Variants in MAF observed in about 807,000 individuals in gnomAD.
MAF encodes the protein transcription factor Maf.
In MAF, 10 loss-of-function variants were observed where a neutral mutation model predicts 22.0. The ratio of observed to expected loss-of-function variants is 0.45; its 90% CI spans 0.28 to 0.77. The LOEUF (loss-of-function observed/expected upper bound fraction) is 0.77. Among genes scored for constraint, MAF ranks in the 30% least tolerant of loss-of-function variants. The pLI, the probability that MAF is intolerant of heterozygous loss-of-function variation, is 0.12. For synonymous variants in MAF, 337 were observed against 255.8 expected (o/e 1.32, Z -3.03); for missense variants, 544 against 548.4 (o/e 0.99, Z 0.08).
chr16:79,256,091 C>T, the MAF span, among the ~76,000 whole-genome samples: 7 of 149,490 alleles, frequency 4.7e-5, no homozygotes, highest in Admixed American at 4.7e-4. Context: ...AAGCAATTCT[C>T]CTGCCTCAGT....
chr16:79,419,058 T>G, the MAF span, among the ~76,000 whole-genome samples: 237 of 152,344 alleles, frequency 1.6e-3, no homozygotes, highest in Non-Finnish European at 2.7e-3. Context: ...ATGTCAGCAG[T>G]GTTTGCACAG....
chr16:79,293,742 G>C, the MAF span, among the ~76,000 whole-genome samples: 2 of 152,038 alleles, frequency 1.3e-5, no homozygotes, highest in African/African-American at 4.8e-5. Context: ...GAAGGGGAAA[G>C]GCAACTTTAT....
chr16:79,563,162 G>C, the MAF span, among the ~76,000 whole-genome samples: 2 of 152,272 alleles, frequency 1.3e-5, no homozygotes, highest in Non-Finnish European at 2.9e-5. Flanking sequence ...GGACTTTCCA[G>C]ACACCAAAGC....
the MAF span, among the ~76,000 whole-genome samples, chr16:79,347,518 T>A: frequency 1.4e-4 from 22 of 152,326 alleles, no homozygotes; most frequent in African/African-American, 5.1e-4. Flanking sequence ...CTGGAGTACA[T>A]CTTCTCTGAC....
chr16:79,236,959 A>AAAC, the MAF span, among the ~76,000 whole-genome samples: 5 of 149,888 alleles, frequency 3.3e-5, no homozygotes, highest in African/African-American at 1.2e-4. Context: ...AAAAAAAAAA[A>AAAC]CTCAAATCCA....
the MAF span, among the ~76,000 whole-genome samples, chr16:79,236,238 C>T: frequency 6.6e-6 from 1 of 152,196 alleles, no homozygotes; most frequent in South Asian, 2.1e-4. Flanking sequence ...ACTTGAACAT[C>T]ATGGAGCTCT....
the MAF span, among the ~76,000 whole-genome samples, chr16:79,438,748 C>T: frequency 6.6e-6 from 1 of 152,066 alleles, no homozygotes; most frequent in Admixed American, 6.6e-5. Context: ...TGCCCATGTC[C>T]CAGAGGCATT....
the MAF span, among the ~76,000 whole-genome samples, chr16:79,344,762 G>C: frequency 6.6e-6 from 1 of 152,120 alleles, no homozygotes; most frequent in Non-Finnish European, 1.5e-5. Flanking sequence ...GTCTGATCTG[G>C]TGCTCAGAAT....
chr16:79,254,632 A>G, the MAF span, among the ~76,000 whole-genome samples: 2 of 152,168 alleles, frequency 1.3e-5, no homozygotes, highest in Non-Finnish European at 2.9e-5. Flanking sequence ...TATGACTGCT[A>G]CTATTGACTT....
chr16:79,461,489 T>C, the MAF span, among the ~76,000 whole-genome samples: 4 of 152,118 alleles, frequency 2.6e-5, no homozygotes, highest in Non-Finnish European at 5.9e-5. Flanking sequence ...CCATGGAGTA[T>C]TGCCTAGGAA....
At chr16:79,368,698 G>A in the MAF span, among the ~76,000 whole-genome samples, 2 of 152,142 alleles carry the variant, frequency 1.3e-5, no homozygotes, top group East Asian at 3.9e-4. Flanking sequence ...AATGACAATG[G>A]CTAGTGTATA....
the MAF span, among the ~76,000 whole-genome samples, chr16:79,413,513 G>A: frequency 6.6e-5 from 10 of 151,412 alleles, no homozygotes; most frequent in Admixed American, 2.0e-4. Context: ...GATTACAAGC[G>A]TGAGCCACCG....
the MAF span, among the ~76,000 whole-genome samples, chr16:79,254,025 T>C: frequency 6.6e-6 from 1 of 151,844 alleles, no homozygotes; most frequent in Non-Finnish European, 1.5e-5. Flanking sequence ...CAAATCTTTT[T>C]TTGTTTTTTT....
the MAF span, among the ~76,000 whole-genome samples, chr16:79,342,401 G>A: frequency 6.6e-6 from 1 of 152,178 alleles, no homozygotes; most frequent in African/African-American, 2.4e-5. Flanking sequence ...GCAGTTAAAG[G>A]GGCTTGAATC....
At chr16:79,549,089 G>T in the MAF span, among the ~76,000 whole-genome samples, 2 of 152,124 alleles carry the variant, frequency 1.3e-5, no homozygotes, top group Middle Eastern at 3.2e-3. Context: ...TCCTTTGAAG[G>T]ATAGTTGCAA....
chr16:79,359,678 G>A, the MAF span, among the ~76,000 whole-genome samples: 2 of 152,150 alleles, frequency 1.3e-5, no homozygotes. Flanking sequence ...AATTTGACTT[G>A]AGTTCTTTTA....
the MAF span, among the ~76,000 whole-genome samples, chr16:79,560,224 A>G: frequency 6.6e-6 from 1 of 152,216 alleles, no homozygotes; most frequent in East Asian, 1.9e-4. Flanking sequence ...GTACCTGGCC[A>G]CCAACAGTAT....
At chr16:79,388,236 G>A in the MAF span, among the ~76,000 whole-genome samples, 1 of 149,524 alleles carries the variant, frequency 6.7e-6, no homozygotes, top group Non-Finnish European at 1.5e-5. Context: ...GGTTATGTGT[G>A]CCGATGTGGC....
chr16:79,462,565 A>T, the MAF span, among the ~76,000 whole-genome samples: 1 of 152,096 alleles, frequency 6.6e-6, no homozygotes, highest in Non-Finnish European at 1.5e-5. Flanking sequence ...GCACATATAC[A>T]TGTGCACAAA....
Sources: gnomAD v4.1 joint callset for allele counts (sites outside exome capture counted in the v4.1 genomes callset) on GRCh38, gnomAD v4.1.1 for gene constraint, MANE v1.5 for transcripts, NCBI Gene and HGNC (gene_info 2026-07-23, HGNC 2026-07-21) for gene names.